Variants in DIAPH2 observed in about 807,000 individuals in gnomAD.
The protein encoded by DIAPH2 is diaphanous related formin 2.
DIAPH2 carries 35 observed loss-of-function variants against 92.7 expected under a neutral mutation model. That is an observed-to-expected ratio of 0.38 (90% CI 0.29 to 0.50). The LOEUF is 0.50. DIAPH2 is among the 20% of genes least tolerant of loss of function. The probability of loss-of-function intolerance (pLI) is 0.94; values close to 1 mark genes in which losing one functional copy is unlikely to be tolerated. For missense variants in DIAPH2, 701 were observed against 819.5 expected (o/e 0.86, Z 1.77); for synonymous variants, 301 against 280.4 (o/e 1.07, Z -0.73).
chrX:96,689,963 T>A (rs2063790653), intron 1 of DIAPH2, among the ~76,000 whole-genome samples: 2 of 109,203 alleles, frequency 1.8e-5, no homozygotes, highest in African/African-American at 6.6e-5. Flanking sequence ...AGAGGCTTTT[T>A]AAAAAAATGT....
chrX:97,027,038 T>A (rs1049958410), intron 17 of DIAPH2, among the ~76,000 whole-genome samples: 1 of 111,962 alleles, frequency 8.9e-6, no homozygotes, highest in Admixed American at 9.5e-5. Flanking sequence ...ATTTTAGGAG[T>A]CCCAAAATGA....
At chrX:97,511,700 T>C (rs1312241082) in intron 26 of DIAPH2, among the ~76,000 whole-genome samples, 2 of 110,957 alleles carry the variant, frequency 1.8e-5, no homozygotes, top group African/African-American at 6.6e-5. Context: ...CCTAATTTAT[T>C]GAGAGTTTTT....
chrX:97,586,180 G>A (rs2071478685), intron 26 of DIAPH2, among the ~76,000 whole-genome samples: 1 of 111,324 alleles, frequency 9.0e-6, no homozygotes, highest in Non-Finnish European at 1.9e-5. Context: ...TATTTGTAAC[G>A]GCCTGCTGGG....
intron 26 of DIAPH2, among the ~76,000 whole-genome samples, chrX:97,537,496 AAGAT>A (rs1426276556): frequency 8.9e-6 from 1 of 112,099 alleles, no homozygotes; most frequent in Non-Finnish European, 1.9e-5. Flanking sequence ...AACAGCCTCT[AAGAT>A]AGTTCCGAAT....
At chrX:97,250,084 C>T (rs984148925) in intron 23 of DIAPH2, among the ~76,000 whole-genome samples, 3 of 110,282 alleles carry the variant, frequency 2.7e-5, no homozygotes, top group Non-Finnish European at 5.7e-5. Context: ...GCAACAAGAG[C>T]GAAACTCCGT....
intron 26 of DIAPH2, among the ~76,000 whole-genome samples, chrX:97,508,954 TAAC>T (rs1210685764): frequency 9.5e-6 from 1 of 105,368 alleles, no homozygotes; most frequent in African/African-American, 3.4e-5. Context: ...ACAACAACAA[TAAC>T]AACAACAACA....
intron 17 of DIAPH2, among the ~76,000 whole-genome samples, chrX:97,069,193 C>T (rs2066653038): frequency 2.7e-5 from 3 of 110,960 alleles, no homozygotes; most frequent in Non-Finnish European, 3.8e-5. Flanking sequence ...GAACTCCTGA[C>T]GTCAGGTGAT....
chrX:97,061,145 A>G (rs1420001250), intron 17 of DIAPH2, among the ~76,000 whole-genome samples: 2 of 112,267 alleles, frequency 1.8e-5, no homozygotes, highest in African/African-American at 6.5e-5. Flanking sequence ...GTTTATTTTC[A>G]TAGATAGTAT....
At position 97,464,058 on chromosome X, in the gene DIAPH2, G is replaced by C. The variant is rs191555707; in HGVS notation, c.3241+34313G>C. 5.5e-4 allele frequency among the ~76,000 whole-genome samples: 61 copies of C among 110,279 alleles called. No homozygotes were observed. The East Asian group carries it at 0.013, about 24-fold the overall frequency. On this transcript the variant is annotated intron_variant, in intron 26 of 26. Coordinates refer to ENST00000324765, the MANE Select transcript of DIAPH2 (RefSeq NM_006729.5). ...TCTACATAAGGTAGCTTGAGTGAAG[G>C]GGTATTTATTTAAGGATGTGATAAG...
At chrX:97,078,895 T>G (rs1217356861) in intron 19 of DIAPH2, among the ~76,000 whole-genome samples, 1 of 110,526 alleles carries the variant, frequency 9.0e-6, no homozygotes, top group Non-Finnish European at 1.9e-5. Flanking sequence ...TTGAGGTATA[T>G]AAAGGATACT....
At chrX:97,146,936 T>C (rs1457671365) in intron 22 of DIAPH2, among the ~76,000 whole-genome samples, 1 of 111,613 alleles carries the variant, frequency 9.0e-6, no homozygotes, top group African/African-American at 3.3e-5. Context: ...GGTACTTTGG[T>C]GGGAAAAGTT....
chrX:97,269,557 G>T (rs968236927), intron 23 of DIAPH2, among the ~76,000 whole-genome samples: 1 of 111,416 alleles, frequency 9.0e-6, no homozygotes, highest in Non-Finnish European at 1.9e-5. Flanking sequence ...TGTTTGCTGC[G>T]AAAAGGAATT....
chrX:97,347,085 C>CTTTTTT (rs763682802), intron 23 of DIAPH2, among the ~76,000 whole-genome samples: 1 of 91,246 alleles, frequency 1.1e-5, no homozygotes, highest in Non-Finnish European at 2.2e-5. Context: ...ACTATAACCT[C>CTTTTTT]TTTTTTTTTT....
Position 97,583,522 on chromosome X carries a change from T to C in DIAPH2, c.3242-15731T>C, listed in dbSNP as rs532375032. On this transcript the variant is annotated intron_variant, in intron 26 of 26. Transcript: ENST00000324765. Reference sequence around the variant, plus strand: ...GTCAGGGACCCACTTGAGGAGGCAGTCTGCCCGTTCTCAGATCTCCAGCTG... The same window carrying C: ...GTCAGGGACCCACTTGAGGAGGCAGCCTGCCCGTTCTCAGATCTCCAGCTG... Among the ~76,000 whole-genome samples the C allele has an allele frequency of 3.7e-4, 41 of 111,998 alleles. No homozygotes were observed. The South Asian group carries it at 7.4e-3, about 20-fold the overall frequency.
At chrX:96,945,796 A>G (rs1300159450) in intron 14 of DIAPH2, among the ~76,000 whole-genome samples, 2 of 111,730 alleles carry the variant, frequency 1.8e-5, no homozygotes. Flanking sequence ...TGTTTAATCC[A>G]TTATGGAAGA....
At chrX:96,971,656 G>A (rs2065928499) in intron 17 of DIAPH2, among the ~76,000 whole-genome samples, 1 of 111,449 alleles carries the variant, frequency 9.0e-6, no homozygotes, top group Non-Finnish European at 1.9e-5. Flanking sequence ...TGCTGAGAAT[G>A]CTTTATTTTC....
At chrX:97,361,480 T>C (rs1398233293) in intron 24 of DIAPH2, among the ~76,000 whole-genome samples, 1 of 112,243 alleles carries the variant, frequency 8.9e-6, no homozygotes, top group African/African-American at 3.2e-5. Context: ...CATATTTTGA[T>C]GTTTATTCTT....
chrX:97,400,822 CA>C (rs2069749132), intron 25 of DIAPH2, among the ~76,000 whole-genome samples: 1 of 111,169 alleles, frequency 9.0e-6, no homozygotes, highest in East Asian at 2.8e-4. Context: ...TTGTATTACC[CA>C]CCTTAGAACA....
chrX:97,099,323 G>A (rs1314511720), intron 19 of DIAPH2, among the ~76,000 whole-genome samples: 1 of 109,269 alleles, frequency 9.2e-6, no homozygotes, highest in Non-Finnish European at 1.9e-5. Context: ...CCGAGATCGC[G>A]CCACTGCACT....
Sources: allele counts gnomAD v4.1 joint callset (sites outside exome capture counted in the v4.1 genomes callset), GRCh38; gene constraint gnomAD v4.1.1; transcripts MANE v1.5; gene names NCBI Gene and HGNC (gene_info 2026-07-23, HGNC 2026-07-21).